Variants in ANGPT1 observed in about 807,000 individuals in gnomAD.
ANGPT1 encodes the protein angiopoietin 1.
ANGPT1 carries 17 observed loss-of-function variants against 62.2 expected under a neutral mutation model. That is an observed-to-expected ratio of 0.27 (90% CI 0.19 to 0.41). The LOEUF (loss-of-function observed/expected upper bound fraction) is 0.41. Ranked by LOEUF, ANGPT1 falls within the 10% of genes least tolerant of loss-of-function variation. The pLI is 1.00. For missense variants in ANGPT1, 478 were observed against 594.9 expected (o/e 0.80, Z 2.04); for synonymous variants, 199 against 198.9 (o/e 1.00, Z 0.00).
intron 1 of ANGPT1, among the ~76,000 whole-genome samples, chr8:107,444,623 A>T (rs1811566266): frequency 6.6e-6 from 1 of 152,208 alleles, no homozygotes; most frequent in Non-Finnish European, 1.5e-5. Context: ...AGCTGGTATG[A>T]AGTCAAAAGA....
chr8:107,373,026 C>T (rs1163401783), intron 1 of ANGPT1, among the ~76,000 whole-genome samples: 1 of 152,092 alleles, frequency 6.6e-6, no homozygotes, highest in Non-Finnish European at 1.5e-5. Flanking sequence ...CATGCTAAAA[C>T]ATTTGAGACA....
At chr8:107,443,580 G>A (rs892242603) in intron 1 of ANGPT1, among the ~76,000 whole-genome samples, 5 of 151,668 alleles carry the variant, frequency 3.3e-5, no homozygotes, top group East Asian at 1.9e-4. Context: ...AGGCTGAGGC[G>A]GGCGGATCAC....
At chr8:107,421,637 G>T (rs1303010374) in intron 1 of ANGPT1, among the ~76,000 whole-genome samples, 3 of 152,138 alleles carry the variant, frequency 2.0e-5, no homozygotes, top group East Asian at 1.9e-4. Flanking sequence ...TATCAGGTCC[G>T]GTGTGAAAGC....
intron 5 of ANGPT1, among the ~76,000 whole-genome samples, chr8:107,299,809 T>TA (rs1417815317): frequency 2.0e-5 from 2 of 100,086 alleles, no homozygotes; most frequent in South Asian, 3.5e-4. Context: ...TATCTAGATA[T>TA]ACTATATATC....
chr8:107,414,913 A>G (rs1810696632), intron 1 of ANGPT1, among the ~76,000 whole-genome samples: 1 of 152,168 alleles, frequency 6.6e-6, no homozygotes, highest in South Asian at 2.1e-4. Context: ...CACTCTTTGA[A>G]TTTTGTCAAA....
chr8:107,287,104 G>A (rs1814159906), intron 6 of ANGPT1, among the ~76,000 whole-genome samples: 1 of 152,092 alleles, frequency 6.6e-6, no homozygotes, highest in Non-Finnish European at 1.5e-5. Flanking sequence ...TTTCTGTGCA[G>A]TCATTGAAAA....
rs1339249388 is a variant in ANGPT1 at position 107,322,083 on chromosome 8, T to C, written c.621A>G (p.Glu207=). ...KILEMEGKHK[E]ELDTLKEEKE... ...TCTCTTCCTTTAAGGTGTCCAACTC[T>C]TCCTTGTGTTTTCCTTCCATTTCTA... Residue 207 remains glutamate, a synonymous_variant, in exon 4 of 9, where the codon GAA becomes GAG. Coordinates refer to ENST00000517746, the MANE Select transcript of ANGPT1 (RefSeq NM_001146.5). The C allele has an allele frequency of 1.2e-6, 2 of 1,613,776 alleles. No individual in the cohort carries two copies.
intron 3 of ANGPT1, 30 bp from the exon 4 acceptor site, chr8:107,322,158 T>C (rs1452068471): frequency 1.3e-6 from 2 of 1,521,084 alleles, no homozygotes; most frequent in Admixed American, 4.0e-5. Flanking sequence ...AAACTTAGAT[T>C]TGAAAAAATG....
At chr8:107,458,024 A>C (rs1811970348) in intron 1 of ANGPT1, among the ~76,000 whole-genome samples, 1 of 152,102 alleles carries the variant, frequency 6.6e-6, no homozygotes, top group African/African-American at 2.4e-5. Context: ...AAATAAAATA[A>C]AAGGCCATCT....
At chr8:107,387,770 CTA>C (rs1816759329) in intron 1 of ANGPT1, among the ~76,000 whole-genome samples, 1 of 141,586 alleles carries the variant, frequency 7.1e-6, no homozygotes. Context: ...CCAAGCAATA[CTA>C]TAATCTCTAC....
chr8:107,291,489 G>A (rs1479364067), intron 6 of ANGPT1, among the ~76,000 whole-genome samples: 1 of 152,030 alleles, frequency 6.6e-6, no homozygotes, highest in Non-Finnish European at 1.5e-5. Flanking sequence ...TCAGCTCACT[G>A]CAACCTCTGC....
At chr8:107,372,104 C>A (rs1325704317) in intron 1 of ANGPT1, among the ~76,000 whole-genome samples, 2 of 151,958 alleles carry the variant, frequency 1.3e-5, no homozygotes, top group Non-Finnish European at 2.9e-5. Context: ...TAGAAATTTT[C>A]AACTTCAAAA....
intron 1 of ANGPT1, among the ~76,000 whole-genome samples, chr8:107,358,319 C>A (rs1490801358): frequency 1.3e-5 from 2 of 152,042 alleles, no homozygotes; most frequent in African/African-American, 4.8e-5. Flanking sequence ...AAAAGTCATT[C>A]AAAGCATAAG....
intron 1 of ANGPT1, among the ~76,000 whole-genome samples, chr8:107,453,287 T>C (rs1148130): frequency 0.071 from 10,814 of 152,108 alleles, 455 homozygotes; most frequent in South Asian, 0.14. Context: ...GCAATACCAT[T>C]TTTAAGTTTA....
intron 8 of ANGPT1, among the ~76,000 whole-genome samples, chr8:107,260,788 T>C (rs2514878): frequency 0.33 from 49,825 of 152,102 alleles, 9,117 homozygotes; most frequent in South Asian, 0.46. Context: ...AAGCAATAAG[T>C]GGAAATATTC....
At chr8:107,358,818 G>A (rs1816103650) in intron 1 of ANGPT1, among the ~76,000 whole-genome samples, 1 of 152,130 alleles carries the variant, frequency 6.6e-6, no homozygotes, top group African/African-American at 2.4e-5. Flanking sequence ...ATGAAATGTG[G>A]ATAATAGAGA....
intron 7 of ANGPT1, 193 bp downstream of exon 7, chr8:107,284,489 C>T (rs1292048823): frequency 1.8e-5 from 7 of 398,320 alleles, no homozygotes; most frequent in South Asian, 1.1e-4. Context: ...AGTCAACCTA[C>T]GAAAACTGAA....
At chr8:107,450,715 T>TGTGC (rs1811750515) in intron 1 of ANGPT1, among the ~76,000 whole-genome samples, 3 of 141,686 alleles carry the variant, frequency 2.1e-5, no homozygotes, top group Admixed American at 6.9e-5. Flanking sequence ...GGTGTGTGTG[T>TGTGC]GTGTGTGTGT....
intron 4 of ANGPT1, among the ~76,000 whole-genome samples, chr8:107,315,608 GT>G (rs1038257588): frequency 1.3e-5 from 2 of 151,610 alleles, no homozygotes; most frequent in Non-Finnish European, 2.9e-5. Context: ...GCTTACTACT[GT>G]TTTTCACACT....
Sources: gnomAD v4.1 joint callset for allele counts (sites outside exome capture counted in the v4.1 genomes callset) on GRCh38, gnomAD v4.1.1 for gene constraint, MANE v1.5 for transcripts, NCBI Gene and HGNC (gene_info 2026-07-23, HGNC 2026-07-21) for gene names.